Variants in ASTN2 observed in about 807,000 individuals in gnomAD.
ASTN2 encodes astrotactin-2.
ASTN2 carries 54 observed loss-of-function variants against 139.8 expected under a neutral mutation model. The observed-to-expected ratio is 0.39, with a 90% CI of 0.31 to 0.48. ASTN2 has a LOEUF of 0.48. Ranked by LOEUF, ASTN2 falls within the 20% of genes least tolerant of loss-of-function variation. The pLI is 0.95. For synonymous variants in ASTN2, 756 were observed against 719.5 expected, an observed-to-expected ratio of 1.05 and a Z score of -0.81; for missense variants, 1,565 against 1,725.1, an observed-to-expected ratio of 0.91 and a Z score of 1.64.
chr9:116,909,051 T>C (rs181222369), intron 10 of ASTN2, among the ~76,000 whole-genome samples: 1 of 152,214 alleles, frequency 6.6e-6, no homozygotes, highest in Admixed American at 6.5e-5. Context: ...AAGAACTTCA[T>C]AGGCAGTGGG....
Position 116,901,282 on chromosome 9 carries a change from T to C in ASTN2, c.1890-37549A>G, listed in dbSNP as rs141409176. Among the ~76,000 whole-genome samples the C allele has an allele frequency of 2.2e-3, 329 of 152,172 alleles. 1 individual carries two copies. The highest frequency in any genetic ancestry group is 7.4e-3 in the African/African-American group (309 of 41,528). On this transcript the variant is annotated intron_variant, in intron 10 of 22. Coordinates refer to ENST00000313400, the MANE Select transcript of ASTN2 (RefSeq NM_001365068.1). Reference sequence around the variant, plus strand: ...GCTTACACCCATAAGGAGGCTGAGGTGGGAGGATCCTTTGAGCCCAGGAGT... The same window carrying C: ...GCTTACACCCATAAGGAGGCTGAGGCGGGAGGATCCTTTGAGCCCAGGAGT...
chr9:117,232,236 T>C (rs1477768450), intron 2 of ASTN2, among the ~76,000 whole-genome samples: 1 of 152,218 alleles, frequency 6.6e-6, no homozygotes, highest in Non-Finnish European at 1.5e-5. Context: ...AGTGAAGATG[T>C]GCATGTAAAC....
At chr9:116,522,931 T>C (rs1395699837) in intron 19 of ASTN2, among the ~76,000 whole-genome samples, 1 of 152,106 alleles carries the variant, frequency 6.6e-6, no homozygotes, top group Non-Finnish European at 1.5e-5. Context: ...AAATAAAATT[T>C]AGAAATTCTA....
At chr9:117,344,646 T>C (rs943985391) in intron 1 of ASTN2, among the ~76,000 whole-genome samples, 2 of 152,200 alleles carry the variant, frequency 1.3e-5, no homozygotes, top group Middle Eastern at 3.2e-3. Context: ...GTTTCTCTTA[T>C]GCAATTCATC....
At chr9:117,385,296 G>A (rs1306668860) in intron 1 of ASTN2, among the ~76,000 whole-genome samples, 3 of 152,110 alleles carry the variant, frequency 2.0e-5, no homozygotes, top group African/African-American at 7.2e-5. Context: ...AGCCATAAGG[G>A]AATAGATTAT....
chr9:116,814,112 A>C (rs1037863260), intron 12 of ASTN2, among the ~76,000 whole-genome samples: 1 of 152,048 alleles, frequency 6.6e-6, no homozygotes, highest in Non-Finnish European at 1.5e-5. Flanking sequence ...CACAACAGGT[A>C]GACTTGGACC....
At chr9:116,685,029 A>G (rs1860113166) in intron 16 of ASTN2, among the ~76,000 whole-genome samples, 1 of 152,192 alleles carries the variant, frequency 6.6e-6, no homozygotes. Context: ...TTGCCTTTGT[A>G]GGACTAACAT....
chr9:116,443,911 C>T (rs1207192383), intron 20 of ASTN2, among the ~76,000 whole-genome samples: 1 of 152,168 alleles, frequency 6.6e-6, no homozygotes, highest in Admixed American at 6.5e-5. Flanking sequence ...ACGAAAAACA[C>T]TATGATTAGC....
chr9:116,975,116 A>G (rs773063219), intron 10 of ASTN2, 92 bp downstream of exon 10: 9 of 1,318,120 alleles, frequency 6.8e-6, no homozygotes, highest in Non-Finnish European at 8.0e-6. Flanking sequence ...AAACAGCAAG[A>G]ACACTCCTTA....
intron 19 of ASTN2, among the ~76,000 whole-genome samples, chr9:116,604,708 A>G (rs1588067348): frequency 6.6e-6 from 1 of 152,346 alleles, no homozygotes; most frequent in Non-Finnish European, 1.5e-5. Context: ...TGGAGAAAAG[A>G]GACCTTGCTG....
intron 13 of ASTN2, among the ~76,000 whole-genome samples, chr9:116,785,801 T>G (rs1239092124): frequency 2.6e-5 from 4 of 152,182 alleles, no homozygotes; most frequent in Non-Finnish European, 4.4e-5. Flanking sequence ...GTCTGACATC[T>G]GGACCACAGA....
intron 16 of ASTN2, among the ~76,000 whole-genome samples, chr9:116,720,592 C>T (rs1828444690): frequency 6.6e-6 from 1 of 151,082 alleles, no homozygotes; most frequent in African/African-American, 2.4e-5. Context: ...CTTTCTTTTC[C>T]TCTCTTTCTT....
At chr9:117,111,688 T>A (rs752868549) in intron 4 of ASTN2, among the ~76,000 whole-genome samples, 1 of 152,032 alleles carries the variant, frequency 6.6e-6, no homozygotes, top group African/African-American at 2.4e-5. Context: ...ATTATCAAAT[T>A]CGCAAAGCTC....
intron 20 of ASTN2, among the ~76,000 whole-genome samples, chr9:116,464,055 T>C (rs967296260): frequency 6.6e-6 from 1 of 151,930 alleles, no homozygotes; most frequent in African/African-American, 2.4e-5. Flanking sequence ...GCCATTTCTG[T>C]CTCTATATAG....
intron 5 of ASTN2, among the ~76,000 whole-genome samples, chr9:117,061,309 T>C (rs1034288265): frequency 6.6e-6 from 1 of 152,164 alleles, no homozygotes; most frequent in Non-Finnish European, 1.5e-5. Context: ...ACCATTCTTA[T>C]CCTAATTTTT....
At chr9:116,999,543 T>A in intron 7 of ASTN2, among the ~76,000 whole-genome samples, 1 of 118,816 alleles carries the variant, frequency 8.4e-6, no homozygotes, top group Non-Finnish European at 1.7e-5. Context: ...TTTCTTTCTC[T>A]CTTTCTTTTT....
chr9:116,425,679 G>T lies in ASTN2; in HGVS notation c.*172C>A. On this transcript the variant is annotated 3_prime_UTR_variant, in exon 23 of 23. Coordinates refer to ENST00000313400, the MANE Select transcript of ASTN2 (RefSeq NM_001365068.1). ...ATGAATAATTCCATTGGTTACAAAG[G>T]TCTCTGTCCACTATCCACAGGAGAA... 1.2e-6 allele frequency: 2 copies of T among 1,608,872 alleles called. No homozygotes were observed. Among genetic ancestry groups the T allele is most frequent in the South Asian group, 1.1e-5 (1 of 90,144 alleles).
At chr9:116,700,328 T>A (rs1220166051) in intron 16 of ASTN2, 5 of 168,112 alleles carry the variant, frequency 3.0e-5, no homozygotes, top group Non-Finnish European at 7.3e-5. Flanking sequence ...ATCTGTGCCA[T>A]CTTGGATTGA....
intron 7 of ASTN2, among the ~76,000 whole-genome samples, chr9:117,004,674 G>A (rs923467354): frequency 2.0e-5 from 3 of 152,200 alleles, no homozygotes; most frequent in African/African-American, 7.2e-5. Context: ...CACAGAGGCT[G>A]TTGTCATGGT....
Sources: allele counts gnomAD v4.1 joint callset (sites outside exome capture counted in the v4.1 genomes callset), GRCh38; gene constraint gnomAD v4.1.1; transcripts MANE v1.5; gene names NCBI Gene and HGNC (gene_info 2026-07-23, HGNC 2026-07-21).